Variants in AFF4 observed in about 807,000 individuals in gnomAD.
AFF4 encodes AF4/FMR2 family member 4.
AFF4 carries 13 observed loss-of-function variants against 124.8 expected under a neutral mutation model. That is an observed-to-expected ratio of 0.10 (90% confidence interval 0.07 to 0.17). AFF4 has a LOEUF of 0.17. Among genes scored for constraint, AFF4 ranks in the 10% least tolerant of loss-of-function variants. The pLI is 1.00. For missense variants in AFF4, 1,092 were observed against 1,403.8 expected (o/e 0.78, Z 3.55); for synonymous variants, 477 against 496.1 (o/e 0.96, Z 0.51).
Position 132,898,362 on chromosome 5 carries a change from T to G in AFF4, c.1257A>C (p.Glu419Asp), listed in dbSNP as rs544051718. Residue 419 changes from glutamate to aspartate, a missense_variant, in exon 10 of 21, where the codon GAA (glutamate) becomes GAC (aspartate). By Grantham distance (45) the Glu-to-Asp change is conservative. Coordinates refer to ENST00000265343, the MANE Select transcript of AFF4 (RefSeq NM_014423.4). ...AATCATCCCTGGAGTTATCTGCTCC[T>G]TCACTATTATGGTGTGAAGGTTCAG... The part of the protein sequence containing the change: ...SNSEPSHHNS[E>D]GADNSRDDSS... 7 of 1,614,222 alleles carry G rather than the reference T, an allele frequency of 4.3e-6. No homozygotes were observed. The highest frequency in any genetic ancestry group is 5.9e-6 in the Non-Finnish European group (7 of 1,180,020).
intron 1 of AFF4, among the ~76,000 whole-genome samples, chr5:132,949,337 A>T (rs1761775448): frequency 6.6e-6 from 1 of 151,112 alleles, no homozygotes; most frequent in South Asian, 2.1e-4. Flanking sequence ...ATAAGCCATC[A>T]TACCTGGCTC....
At chr5:132,932,476 T>A (rs1761323706) in intron 3 of AFF4, among the ~76,000 whole-genome samples, 2 of 152,234 alleles carry the variant, frequency 1.3e-5, no homozygotes, top group African/African-American at 4.8e-5. Context: ...TATTTTAGAT[T>A]AGAAATAATT....
chr5:132,887,136 A>T (rs1760138284), intron 17 of AFF4, among the ~76,000 whole-genome samples: 1 of 152,248 alleles, frequency 6.6e-6, no homozygotes, highest in Admixed American at 6.5e-5. Flanking sequence ...CGAACTGATA[A>T]TATCTCACTG....
intron 10 of AFF4, among the ~76,000 whole-genome samples, 176 bp downstream of exon 10, chr5:132,898,054 T>G (rs1164432224): frequency 6.6e-6 from 1 of 152,236 alleles, no homozygotes; most frequent in Non-Finnish European, 1.5e-5. Context: ...TAGACCGAAT[T>G]TGTTCAAACA....
intron 5 of AFF4, among the ~76,000 whole-genome samples, chr5:132,924,169 G>A (rs902100722): frequency 8.6e-5 from 13 of 151,986 alleles, no homozygotes; most frequent in African/African-American, 2.7e-4. Flanking sequence ...CAGGAGAATC[G>A]CTTGAACCCA....
intron 5 of AFF4, among the ~76,000 whole-genome samples, chr5:132,922,586 C>A (rs1451503711): frequency 1.3e-5 from 2 of 151,416 alleles, no homozygotes; most frequent in African/African-American, 2.4e-5. Context: ...TCAAGACCAT[C>A]CTGGCCAACA....
Position 132,892,382 on chromosome 5 carries a change from T to G in AFF4, c.2419A>C (p.Lys807Gln), listed in dbSNP as rs754777537. ...NRESSKQSAAKEKDLLPSPAG... is the reference protein window; with the variant it reads ...NRESSKQSAAQEKDLLPSPAG... ...GGAGAAGGCAACAAATCCTTTTCTT[T>G]TGCAGCACTCTGCTTAGATGACCTG... The change falls in exon 13 of 21, where the codon AAA (lysine) becomes CAA (glutamine). Residue 807 changes from lysine (K) to glutamine (Q), a missense_variant. By Grantham distance (53) the Lys-to-Gln change is moderately conservative. This residue lies in a region of AFF4 where 293 missense variants were observed against 280.2 expected (regional missense o/e 1.05). Coordinates refer to ENST00000265343, the MANE Select transcript of AFF4 (RefSeq NM_014423.4). 1.2e-6 allele frequency: 2 copies of G among 1,613,378 alleles called. No homozygotes were observed. The highest frequency in any genetic ancestry group is 2.7e-5 in the African/African-American group (2 of 74,884).
At chr5:132,945,295 G>A (rs1190872705) in intron 1 of AFF4, 2 of 152,156 alleles carry the variant, frequency 1.3e-5, no homozygotes, top group Admixed American at 1.3e-4. Context: ...ACTTAACCAA[G>A]AATCTGTCTC....
chr5:132,899,498 G>T, intron 8 of AFF4, 89 bp downstream of exon 8: 1 of 1,158,356 alleles, frequency 8.6e-7, no homozygotes, highest in Non-Finnish European at 1.2e-6. Flanking sequence ...CTTATTTTAA[G>T]TAATAAATGC....
chr5:132,934,094 A>T, intron 3 of AFF4, 53 bp downstream of exon 3: 6 of 1,525,304 alleles, frequency 3.9e-6, no homozygotes, highest in Non-Finnish European at 5.3e-6. Flanking sequence ...TTTCATGATC[A>T]GTCAATTGCT....
In AFF4 at chr5:132,939,438, T is replaced by C. The variant is rs1233261664; in HGVS notation, c.-4-2245A>G. Among the ~76,000 whole-genome samples, 3 of 152,172 alleles carry C rather than the reference T, an allele frequency of 2.0e-5. No homozygotes were observed. The East Asian group carries it at 5.8e-4, about 29-fold the overall frequency. On this transcript the variant is annotated intron_variant, in intron 1 of 20. Transcript: ENST00000265343. The stretch of plus-strand genomic sequence containing the variant: ...CATAAAACAAAACCAAAGAACATAT[T>C]ATACTCCATCACATTTGAACCAAGT...
chr5:132,960,481 TG>T (rs1189430947), intron 1 of AFF4, among the ~76,000 whole-genome samples: 1 of 152,196 alleles, frequency 6.6e-6, no homozygotes, highest in East Asian at 1.9e-4. Context: ...AACCAGTGGA[TG>T]GCCACAAAGG....
In AFF4 at chr5:132,896,993, C is replaced by T; in HGVS notation, c.1637G>A (p.Arg546Lys). The stretch of plus-strand genomic sequence containing the variant: ...GTCACTCTGTGCAGGAGATTTCTGC[C>T]TCCCACGCCCACTTTCTGATCCCTT... ...IQKGSESGRG[R>K]QKSPAQSDST... The change falls in exon 11 of 21, where the codon AGG (arginine) becomes AAG (lysine). Residue 546 changes from arginine to lysine, a missense_variant. Arg to Lys is a conservative substitution (Grantham distance 26). Coordinates refer to ENST00000265343, the MANE Select transcript of AFF4 (RefSeq NM_014423.4). 1.2e-6 allele frequency: 2 copies of T among 1,614,182 alleles called. No individual in the cohort carries two copies. The highest frequency in any genetic ancestry group is 1.7e-6 in the Non-Finnish European group (2 of 1,180,040).
intron 4 of AFF4, among the ~76,000 whole-genome samples, chr5:132,929,478 T>C (rs1485690677): frequency 6.6e-6 from 1 of 152,170 alleles, no homozygotes; most frequent in Non-Finnish European, 1.5e-5. Context: ...ACTTTTTATA[T>C]ACATGGCAAC....
chr5:132,906,805 A>G (rs1460920280), intron 5 of AFF4, among the ~76,000 whole-genome samples: 1 of 152,170 alleles, frequency 6.6e-6, no homozygotes, highest in Non-Finnish European at 1.5e-5. Flanking sequence ...TTTTGTTTAA[A>G]ATGAAGATTC....
intron 18 of AFF4, among the ~76,000 whole-genome samples, chr5:132,885,696 T>C (rs1376257382): frequency 6.6e-6 from 1 of 152,104 alleles, no homozygotes; most frequent in East Asian, 1.9e-4. Flanking sequence ...ATTTATGTGG[T>C]ACTGGCCTGA....
Position 132,886,794 on chromosome 5 carries a change from C to A in AFF4, c.3006-391G>T, listed in dbSNP as rs1581269392. ...CAAACCACAACATAGCTTATAAAGA[C>A]CGTGCAGGATCATCCCTGCCTATCT... On this transcript the variant is annotated intron_variant, in intron 17 of 20. Coordinates refer to ENST00000265343, the MANE Select transcript of AFF4 (RefSeq NM_014423.4). Among the ~76,000 whole-genome samples, 3 of 152,308 alleles carry A rather than the reference C, an allele frequency of 2.0e-5. No homozygotes were observed. In the South Asian group the frequency reaches 6.2e-4, roughly 32 times the overall value.
chr5:132,934,745 T>C lies in AFF4; in HGVS notation c.320A>G (p.Lys107Arg). 6.2e-7 allele frequency: 1 copy of C among 1,614,154 alleles called. No homozygotes were observed. The highest frequency in any genetic ancestry group is 1.1e-5 in the South Asian group (1 of 91,078). Residue 107 changes from lysine (K) to arginine (R), a missense_variant, in exon 3 of 21, where the codon AAA becomes AGA. Physicochemically the swap from Lys to Arg is conservative, Grantham distance 26. This residue lies in a region of AFF4 where 188 missense variants were observed against 203.0 expected (regional missense o/e 0.93). Coordinates refer to ENST00000265343, the MANE Select transcript of AFF4 (RefSeq NM_014423.4). ...GGGTGCGGGTCCTACTGGAGTCCAT[T>C]TGCTACTCTGATGAGAGCCTCCATG... ...QRHGGSHQSS[K>R]WTPVGPAPST...
At chr5:132,940,186 G>C (rs1410005108) in intron 1 of AFF4, among the ~76,000 whole-genome samples, 1 of 151,420 alleles carries the variant, frequency 6.6e-6, no homozygotes, top group African/African-American at 2.4e-5. Flanking sequence ...GGTGACAAGA[G>C]CAAGACTCCA....
Sources: gnomAD v4.1 joint callset for allele counts (sites outside exome capture counted in the v4.1 genomes callset) on GRCh38, gnomAD v4.1.1 for gene constraint, gnomAD v4.1.1 regional missense constraint, MANE v1.5 for transcripts, NCBI Gene and HGNC (gene_info 2026-07-23, HGNC 2026-07-21) for gene names.